Variants in PCDHA5 observed in about 807,000 individuals in gnomAD.
PCDHA5 encodes protocadherin alpha-5.
A neutral mutation model predicts 61.6 loss-of-function variants in PCDHA5; 43 were observed. That is an observed-to-expected ratio of 0.70 (90% CI 0.55 to 0.90). PCDHA5 has a LOEUF of 0.90. Among genes scored for constraint, PCDHA5 ranks in the 40% least tolerant of loss-of-function variants. The probability of loss-of-function intolerance (pLI) is 0.00; values close to 1 mark genes in which losing one functional copy is unlikely to be tolerated. For missense variants in PCDHA5, 1,298 were observed against 1,222.7 expected (o/e 1.06, Z -0.92); for synonymous variants, 627 against 543.9 (o/e 1.15, Z -2.13).
chr5:140,966,281 G>T, intron 1 of PCDHA5: 1 of 366,828 alleles, frequency 2.7e-6, no homozygotes, highest in Non-Finnish European at 4.8e-6. Context: ...TGGACAGTGG[G>T]GGTAGGGAGA....
chr5:140,849,258 G>A lies in PCDHA5; in HGVS notation c.2352+25131G>A, dbSNP rs2150433835. 190 of 1,110,896 alleles carry A rather than the reference G, an allele frequency of 1.7e-4. 6 individuals carry two copies. Among genetic ancestry groups the A allele is most frequent in the Admixed American group, 3.3e-4 (12 of 36,734 alleles). 68.8% of individuals were successfully genotyped at this position (1,110,896 alleles called of 1,614,324 possible). A position where few individuals can be genotyped will look rare whatever the true frequency, so the allele number is the denominator to read the frequency against. Reference sequence around the variant, plus strand: ...GTATACGGTGAAATTACCAGAAAACGTTTCTATCGGAACGCTGGTGATTCA... The same window carrying A: ...GTATACGGTGAAATTACCAGAAAACATTTCTATCGGAACGCTGGTGATTCA... On this transcript the variant is annotated intron_variant, in intron 1 of 3. Transcript: ENST00000529859.
At chr5:140,985,216 C>T (rs1009954667) in intron 3 of PCDHA5, among the ~76,000 whole-genome samples, 1 of 152,186 alleles carries the variant, frequency 6.6e-6, no homozygotes, top group South Asian at 2.1e-4. Context: ...GGATTACAGG[C>T]GTGAGCCACC....
intron 1 of PCDHA5, chr5:140,876,018 A>G: frequency 6.2e-7 from 1 of 1,613,764 alleles, no homozygotes; most frequent in East Asian, 2.2e-5. Flanking sequence ...AGCTTAAAAT[A>G]AAAACAAAAA....
intron 1 of PCDHA5, among the ~76,000 whole-genome samples, chr5:140,952,915 G>GGCATGA (rs2094816103): frequency 6.6e-6 from 1 of 151,986 alleles, no homozygotes; most frequent in African/African-American, 2.4e-5. Flanking sequence ...CATCTTACAT[G>GGCATGA]GCATGAGCAG....
In PCDHA5 at chr5:140,823,800, G is replaced by A. The variant is rs2150129246; in HGVS notation, c.2025G>A (p.Pro675=). The A allele has an allele frequency of 1.9e-6, 3 of 1,613,816 alleles. No homozygotes were observed. Among genetic ancestry groups the A allele is most frequent in the South Asian group, 1.1e-5 (1 of 91,070 alleles). The change falls in exon 1 of 4, where the codon CCG becomes CCA. Residue 675 remains proline (P), a synonymous_variant. Transcript: ENST00000529859. ...CGCTGGTGGAAAGTGGCCAGGCGCC[G>A]AAGGCCTCATCGCGGGCGTCGGCGG... ...LVSLVESGQA[P]KASSRASAGA...
At chr5:140,841,732 C>A (rs1554138500) in intron 1 of PCDHA5, 4 of 1,613,740 alleles carry the variant, frequency 2.5e-6, no homozygotes, top group Non-Finnish European at 2.5e-6. Flanking sequence ...GGGTAAAAGA[C>A]CAAAAGCTGT....
chr5:140,875,637 G>T, intron 1 of PCDHA5: 1 of 1,613,638 alleles, frequency 6.2e-7, no homozygotes, highest in Non-Finnish European at 8.5e-7. Flanking sequence ...TGGGGCTGGA[G>T]CTGGCGGAGC....
At position 140,841,280 on chromosome 5, in the gene PCDHA5, T is replaced by C. The variant is rs2150312554; in HGVS notation, c.2352+17153T>C. Reference sequence around the variant, plus strand: ...CTCTGAAAGTACAGTCGTTCATCTTTATATTAAGATAATATTTTCTGATAG... The same window carrying C: ...CTCTGAAAGTACAGTCGTTCATCTTCATATTAAGATAATATTTTCTGATAG... On this transcript the variant is annotated intron_variant, in intron 1 of 3. Transcript: ENST00000529859. The C allele has an allele frequency of 2.7e-3, 4,162 of 1,542,382 alleles. 127 individuals are homozygous for C. The African/African-American group carries it at 0.05, about 19-fold the overall frequency.
chr5:140,896,738 T>C (rs2065731964), intron 1 of PCDHA5, among the ~76,000 whole-genome samples: 2 of 152,180 alleles, frequency 1.3e-5, no homozygotes, highest in African/African-American at 4.8e-5. Context: ...AAGTTCCTTA[T>C]AGATTCTGGA....
chr5:140,974,884 T>A (rs1485443373), intron 1 of PCDHA5, among the ~76,000 whole-genome samples: 1 of 152,240 alleles, frequency 6.6e-6, no homozygotes, highest in Non-Finnish European at 1.5e-5. Context: ...TATGTATCCC[T>A]TTTCTGATGA....
Position 141,010,530 on chromosome 5 carries a change from A to T in PCDHA5, c.*593A>T, listed in dbSNP as rs188140091. 45 of 414,090 alleles carry T rather than the reference A, an allele frequency of 1.1e-4. No homozygotes were observed. In the Admixed American group the frequency reaches 1.6e-3, roughly 15 times the overall value. The allele number at this position is 414,090 out of a possible 1,614,324, so 25.7% of individuals were successfully genotyped here. On this transcript the variant is annotated 3_prime_UTR_variant, in exon 4 of 4. Coordinates refer to ENST00000529859, the MANE Select transcript of PCDHA5 (RefSeq NM_018908.3). ...TCTTACAACTCAAGAGGTGGCAGCC[A>T]CCCTCTAGGAGACAAAACTACCCCC... is the stretch of plus-strand genomic sequence containing the variant.
chr5:140,964,857 CAA>C (rs1352009406), intron 1 of PCDHA5, among the ~76,000 whole-genome samples: 5 of 152,088 alleles, frequency 3.3e-5, no homozygotes, highest in Admixed American at 3.3e-4. Context: ...CTTGAGGAAA[CAA>C]AGAGGACAAA....
At chr5:140,876,483 G>C in intron 1 of PCDHA5, 1 of 1,614,004 alleles carries the variant, frequency 6.2e-7, no homozygotes, top group Non-Finnish European at 8.5e-7. Context: ...GCATGGTCCT[G>C]GTGGAAGTTC....
chr5:140,839,394 TG>T (rs201675395), intron 1 of PCDHA5, among the ~76,000 whole-genome samples: 1,897 of 151,840 alleles, frequency 0.012, 32 homozygotes, highest in Middle Eastern at 0.017. Flanking sequence ...ATGATGATGA[TG>T]ATTATTATTT....
In PCDHA5 at chr5:140,971,961, T is replaced by C. The variant is rs1412814726; in HGVS notation, c.2353-6988T>C. ...TGTATCCATCTGACTCCAAAAACTT[T>C]TTTTCAATACTATGAGTAGACAGAA... On this transcript the variant is annotated intron_variant, in intron 1 of 3. Transcript: ENST00000529859. 2.0e-5 allele frequency among the ~76,000 whole-genome samples: 3 copies of C among 152,144 alleles called. No homozygotes were observed. The East Asian group carries it at 5.8e-4, about 29-fold the overall frequency.
intron 1 of PCDHA5, chr5:140,870,622 G>A (rs377101052): frequency 6.2e-7 from 1 of 1,613,120 alleles, no homozygotes; most frequent in Admixed American, 1.7e-5. Flanking sequence ...GTCGAGCTAC[G>A]TGTCGGTGCA....
intron 3 of PCDHA5, among the ~76,000 whole-genome samples, chr5:140,996,539 A>G (rs1023035245): frequency 2.6e-5 from 4 of 152,170 alleles, no homozygotes; most frequent in South Asian, 4.1e-4. Flanking sequence ...GTGTTTTGAT[A>G]TTATGCTGTC....
intron 1 of PCDHA5, among the ~76,000 whole-genome samples, chr5:140,905,327 TG>T (rs2071747762): frequency 6.6e-6 from 1 of 152,202 alleles, no homozygotes; most frequent in Non-Finnish European, 1.5e-5. Context: ...TATGCTTTGT[TG>T]AAGATCAGTT....
intron 1 of PCDHA5, chr5:140,828,066 T>A (rs1334678252): frequency 6.4e-7 from 1 of 1,559,958 alleles, no homozygotes. Context: ...GATCTTCTAA[T>A]GGAAATAAAA....
Sources: gnomAD v4.1 joint callset for allele counts (sites outside exome capture counted in the v4.1 genomes callset) on GRCh38, gnomAD v4.1.1 for gene constraint, MANE v1.5 for transcripts, NCBI Gene and HGNC (gene_info 2026-07-23, HGNC 2026-07-21) for gene names.